PCSK5: variants seen among roughly 807,000 people sequenced by gnomAD.
PCSK5 encodes proprotein convertase subtilisin/kexin type 5.
PCSK5 carries 129 observed loss-of-function variants against 233.2 expected under a neutral mutation model. That is an observed-to-expected ratio of 0.55 (90% confidence interval 0.48 to 0.64). The LOEUF is 0.64. Among genes scored for constraint, PCSK5 ranks in the 30% least tolerant of loss-of-function variants. PCSK5 has a pLI of 0.00. For missense variants in PCSK5, 2,076 were observed against 2,430.1 expected, an observed-to-expected ratio of 0.85 and a Z score of 3.06; for synonymous variants, 825 against 879.2, an observed-to-expected ratio of 0.94 and a Z score of 1.09.
chr9:76,330,502 A>C (rs534573607), intron 33 of PCSK5, among the ~76,000 whole-genome samples: 13 of 152,250 alleles, frequency 8.5e-5, no homozygotes. Flanking sequence ...TAATCCCAGC[A>C]CTTTGGGAGG....
chr9:76,043,189 A>G (rs542453825), intron 5 of PCSK5, among the ~76,000 whole-genome samples: 4 of 152,020 alleles, frequency 2.6e-5, no homozygotes, highest in Non-Finnish European at 4.4e-5. Flanking sequence ...TACTAAAAAT[A>G]CAAAAAATTA....
chr9:76,271,886 A>C (rs10118444), intron 24 of PCSK5, among the ~76,000 whole-genome samples: 6,987 of 152,094 alleles, frequency 0.046, 529 homozygotes, highest in African/African-American at 0.16. Context: ...CATCTCTGCC[A>C]CATAGTCTCA....
At chr9:75,898,676 A>AC (rs1354352844) in intron 1 of PCSK5, among the ~76,000 whole-genome samples, 60 of 108,638 alleles carry the variant, frequency 5.5e-4, no homozygotes, top group African/African-American at 2.6e-3. Flanking sequence ...AAAAAAAAAA[A>AC]ACCCACTAGA....
intron 2 of PCSK5, among the ~76,000 whole-genome samples, chr9:75,953,898 T>C (rs550402820): frequency 5.3e-5 from 8 of 152,274 alleles, no homozygotes; most frequent in African/African-American, 1.9e-4. Context: ...ATGAGCCCCA[T>C]TGAAGTCCTG....
At chr9:76,130,713 G>A (rs1445268622) in intron 9 of PCSK5, among the ~76,000 whole-genome samples, 1 of 152,110 alleles carries the variant, frequency 6.6e-6, no homozygotes, top group East Asian at 1.9e-4. Flanking sequence ...TCCTTGGTTT[G>A]AAAGGTCATA....
At chr9:76,242,266 ATACT>A (rs1316759197) in intron 24 of PCSK5, among the ~76,000 whole-genome samples, 1 of 152,096 alleles carries the variant, frequency 6.6e-6, no homozygotes, top group Non-Finnish European at 1.5e-5. Flanking sequence ...TTTGAAATTA[ATACT>A]TAAATATTAT....
intron 1 of PCSK5, among the ~76,000 whole-genome samples, chr9:75,930,580 C>T (rs1823742176): frequency 6.6e-6 from 1 of 152,068 alleles, no homozygotes; most frequent in Non-Finnish European, 1.5e-5. Flanking sequence ...AAAGGGAATC[C>T]ACTAAAGGAT....
chr9:75,905,129 G>A (rs865838333), intron 1 of PCSK5, among the ~76,000 whole-genome samples: 1 of 152,152 alleles, frequency 6.6e-6, no homozygotes, highest in Non-Finnish European at 1.5e-5. Flanking sequence ...TAGATTTGTG[G>A]TTGGGTAAGG....
At chr9:76,069,129 A>G (rs1830390788) in intron 6 of PCSK5, among the ~76,000 whole-genome samples, 1 of 152,148 alleles carries the variant, frequency 6.6e-6, no homozygotes, top group South Asian at 2.1e-4. Flanking sequence ...TTAAGCAGTA[A>G]TTAATTAGCG....
intron 24 of PCSK5, among the ~76,000 whole-genome samples, chr9:76,264,530 G>A (rs1827276171): frequency 6.6e-6 from 1 of 151,726 alleles, no homozygotes; most frequent in Admixed American, 6.6e-5. Flanking sequence ...ATCTGACAAA[G>A]GTTTAACATC....
rs764803507 is a variant in PCSK5, at chr9:76,354,230, A to G, written c.5254+11A>G. 6.4e-7 allele frequency: 1 copy of G among 1,556,010 alleles called. No homozygotes were observed. The highest frequency in any genetic ancestry group is 1.2e-5 in the South Asian group (1 of 83,380). On this transcript the variant is annotated intron_variant, in intron 37 of 37. Coordinates refer to ENST00000674117, the MANE Select transcript of PCSK5 (RefSeq NM_001372043.1). ...GCCAGGACACCACGGGTGAGGGAAG[A>G]GCAAGAGCAGCCTGCAGAGGAAGGG...
chr9:75,907,809 T>A (rs1200637582), intron 1 of PCSK5, among the ~76,000 whole-genome samples: 3 of 152,194 alleles, frequency 2.0e-5, no homozygotes, highest in African/African-American at 7.2e-5. Context: ...CAATTTCCAA[T>A]CACGGGCAAA....
rs114082782 is a variant in PCSK5 at position 76,116,703 on chromosome 9, A to G, written c.1208+9352A>G. ...CATTTTATCCTCAAAGCAGTGCTCTAAGGTAGGCATTATCACCATATTTCC... is the reference window on the plus strand; with the variant it reads ...CATTTTATCCTCAAAGCAGTGCTCTGAGGTAGGCATTATCACCATATTTCC... On this transcript the variant is annotated intron_variant, in intron 9 of 37. Transcript: ENST00000674117. Among the ~76,000 whole-genome samples, 1,209 of 152,272 alleles carry G rather than the reference A, an allele frequency of 7.9e-3. 15 individuals are homozygous for G. The highest frequency in any genetic ancestry group is 0.026 in the African/African-American group (1,088 of 41,570).
chr9:76,085,102 G>A (rs80029894), intron 7 of PCSK5, among the ~76,000 whole-genome samples: 2,763 of 152,276 alleles, frequency 0.018, 69 homozygotes, highest in South Asian at 0.068. Flanking sequence ...TTCTGCCATC[G>A]TGCTCTGTGC....
Position 76,189,615 on chromosome 9 carries a change from T to TACATTTTTCTCATAGATGTGATATC in PCSK5, c.2511-14_2521dup. ...CATGTGTGAATGGATTAAAAAATTG[T>TACATTTTTCTCATAGATGTGATATC]ACATTTTTCTCATAGATGTGATATC... is the stretch of plus-strand genomic sequence containing the variant. On this transcript the variant is annotated splice_polypyrimidine_tract_variant and intron_variant, in intron 19 of 37. Coordinates refer to ENST00000674117, the MANE Select transcript of PCSK5 (RefSeq NM_001372043.1). 6.5e-7 allele frequency: 1 copy of TACATTTTTCTCATAGATGTGATATC among 1,529,374 alleles called. No individual in the cohort carries two copies. Among genetic ancestry groups the TACATTTTTCTCATAGATGTGATATC allele is most frequent in the Non-Finnish European group, 9.1e-7 (1 of 1,103,330 alleles). 94.7% of individuals were successfully genotyped at this position (1,529,374 alleles called of 1,614,324 possible).
chr9:76,040,325 GTCTCTCTCTCTCTCTCTCTCTCTCTCTC>G (rs757550088), intron 5 of PCSK5, among the ~76,000 whole-genome samples: 2 of 79,052 alleles, frequency 2.5e-5, no homozygotes, highest in African/African-American at 4.2e-5. Context: ...TGTGTTCTCT[GTCTCTCTCTCTCTCTCTCTCTCTCTCTC>G]TCTCTCTCTC....
chr9:76,046,155 C>CTTTTTTTTTTTTTTTT (rs1829362984), intron 5 of PCSK5, among the ~76,000 whole-genome samples: 1 of 55,702 alleles, frequency 1.8e-5, no homozygotes, highest in African/African-American at 5.2e-5. Context: ...ATAATTTTTT[C>CTTTTTTTTTTTTTTTT]TTTTGTTTTT....
Position 76,362,423 on chromosome 9 carries a change from CACA to C in PCSK5, c.*3506_*3508del, listed in dbSNP as rs1830444172. ...CATTACATTTTCCAAGTAAGAGATA[CACA>C]ACAAGAGTGCTATTTTTTCTTCTTT... On this transcript the variant is annotated 3_prime_UTR_variant, in exon 38 of 38. Transcript: ENST00000674117. The C allele has an allele frequency of 1.3e-5, 2 of 152,174 alleles. No individual in the cohort carries two copies. Among genetic ancestry groups the C allele is most frequent in the South Asian group, 4.1e-4 (2 of 4,826 alleles). 9.4% of individuals were successfully genotyped at this position (152,174 alleles called of 1,614,324 possible). A position where few individuals can be genotyped will look rare whatever the true frequency, so the allele number is the denominator to read the frequency against.
At chr9:75,892,708 G>A (rs1273144444) in intron 1 of PCSK5, among the ~76,000 whole-genome samples, 1 of 152,240 alleles carries the variant, frequency 6.6e-6, no homozygotes, top group Non-Finnish European at 1.5e-5. Flanking sequence ...TGCGGCACCT[G>A]GAGAGGAGGC....
Sources: gnomAD v4.1 joint callset for allele counts (sites outside exome capture counted in the v4.1 genomes callset) on GRCh38, gnomAD v4.1.1 for gene constraint, MANE v1.5 for transcripts, NCBI Gene and HGNC (gene_info 2026-07-23, HGNC 2026-07-21) for gene names.